LINGO1: variants seen among roughly 807,000 people sequenced by gnomAD.
LINGO1 encodes leucine rich repeat and Ig domain containing 1, also known as leucine-rich repeat and immunoglobulin-like domain-containing nogo receptor-interacting protein 1.
Under a neutral mutation model 37.3 loss-of-function variants are expected in LINGO1, and 11 were observed. That is an observed-to-expected ratio of 0.29 (90% CI 0.19 to 0.49). The LOEUF is 0.49. LINGO1 is among the 20% of genes least tolerant of loss of function. The probability of loss-of-function intolerance (pLI) is 0.99; values close to 1 mark genes in which losing one functional copy is unlikely to be tolerated. For missense variants in LINGO1, 585 were observed against 878.2 expected, an observed-to-expected ratio of 0.67 and a Z score of 4.22; for synonymous variants, 387 against 403.0, an observed-to-expected ratio of 0.96 and a Z score of 0.48.
chr15:77,756,873 C>T (rs887034377), intron 1 of LINGO1, among the ~76,000 whole-genome samples: 1 of 152,216 alleles, frequency 6.6e-6, no homozygotes. Flanking sequence ...TGCCAACGTG[C>T]ACCACCTCGC....
At chr15:77,717,357 CAG>C (rs1287099285) in intron 2 of LINGO1, among the ~76,000 whole-genome samples, 1 of 150,726 alleles carries the variant, frequency 6.6e-6, no homozygotes, top group Admixed American at 6.6e-5. Context: ...CCCAGGCGGG[CAG>C]AGGTGGGGGT....
In LINGO1 at chr15:77,613,738, G is replaced by A. The variant is rs540557093; in HGVS notation, c.*306C>T. 5.5e-6 allele frequency: 2 copies of A among 365,698 alleles called. No homozygotes were observed. The highest frequency in any genetic ancestry group is 1.7e-4 in the South Asian group (2 of 11,762). The allele number at this position is 365,698 out of a possible 1,614,324, so 22.7% of individuals were successfully genotyped here. On this transcript the variant is annotated 3_prime_UTR_variant, in exon 2 of 2. Transcript: ENST00000355300. ...CATAATTATTGAAACCCAAGTTACA[G>A]AGAAAGTTCGTAACTTTTTTATTGA...
At chr15:77,636,359 A>G (rs2074396226), upstream of LINGO1, among the ~76,000 whole-genome samples, 1 of 152,160 alleles carries the variant, frequency 6.6e-6, no homozygotes, top group Non-Finnish European at 1.5e-5. Flanking sequence ...GATGATGATT[A>G]TTTCTGAAGG....
chr15:77,622,317 G>C (rs1472330924), intron 1 of LINGO1, among the ~76,000 whole-genome samples: 1 of 151,910 alleles, frequency 6.6e-6, no homozygotes, highest in African/African-American at 2.4e-5. Flanking sequence ...AGAAAGATGG[G>C]GACACAGGCT....
chr15:77,754,265 T>C (rs112583138), intron 1 of LINGO1, among the ~76,000 whole-genome samples: 1,232 of 79,262 alleles, frequency 0.016, 22 homozygotes, highest in African/African-American at 0.057. Context: ...GGGAAGGGGA[T>C]GGCAAGAAGT....
chr15:77,697,019 A>G (rs1384488613), upstream of LINGO1, among the ~76,000 whole-genome samples: 1 of 152,260 alleles, frequency 6.6e-6, no homozygotes, highest in Non-Finnish European at 1.5e-5. Flanking sequence ...AGGACTGGCT[A>G]AGGCACAAGG....
intron 2 of LINGO1, among the ~76,000 whole-genome samples, chr15:77,681,723 G>A (rs963571060): frequency 7.2e-5 from 11 of 152,144 alleles, no homozygotes; most frequent in Non-Finnish European, 1.6e-4. Flanking sequence ...TATGGGAATG[G>A]AGGAAGAGCT....
upstream of LINGO1, among the ~76,000 whole-genome samples, chr15:77,699,564 A>G (rs958674862): frequency 5.9e-5 from 2 of 34,014 alleles, no homozygotes; most frequent in East Asian, 1.7e-3. Flanking sequence ...CCCTGCACAC[A>G]GTAAAGCACA....
intron 1 of LINGO1, 23 bp from the exon 2 acceptor site, chr15:77,615,923 GAC>G (rs755853447): frequency 6.9e-7 from 1 of 1,446,646 alleles, no homozygotes; most frequent in South Asian, 1.5e-5. Flanking sequence ...GCAAGCACAG[GAC>G]AGAGGTGGCG....
chr15:77,621,574 G>GC (rs1217647035), intron 1 of LINGO1, among the ~76,000 whole-genome samples: 10 of 145,884 alleles, frequency 6.9e-5, no homozygotes, highest in Non-Finnish European at 1.3e-4. Context: ...GGCCAGGCCA[G>GC]GGGAGGGGCT....
At chr15:77,626,380 A>G (rs1303987969) in intron 1 of LINGO1, among the ~76,000 whole-genome samples, 2 of 152,218 alleles carry the variant, frequency 1.3e-5, no homozygotes, top group Non-Finnish European at 2.9e-5. Context: ...CAGGCAGATT[A>G]TAAATAAAAC....
intron 3 of LINGO1, among the ~76,000 whole-genome samples, chr15:77,642,752 G>C (rs951124089): frequency 2.3e-4 from 35 of 152,324 alleles, no homozygotes; most frequent in African/African-American, 8.2e-4. Context: ...CCCCCAGCAG[G>C]GCATTACTTC....
At chr15:77,646,557 TTTCCCCCAC>T in intron 3 of LINGO1, 1 of 392,896 alleles carries the variant, frequency 2.5e-6, no homozygotes, top group Non-Finnish European at 5.1e-6. Context: ...GAACCTGGGG[TTTCCCCCAC>T]TTCCAAGAGG....
intron 1 of LINGO1, among the ~76,000 whole-genome samples, chr15:77,756,571 G>T (rs2076421588): frequency 1.3e-5 from 2 of 151,988 alleles, no homozygotes; most frequent in Non-Finnish European, 2.9e-5. Flanking sequence ...ATCAAGGGAG[G>T]GCCAAGCCGG....
chr15:77,777,287 G>C (rs906351025), intron 1 of LINGO1, among the ~76,000 whole-genome samples: 1 of 151,944 alleles, frequency 6.6e-6, no homozygotes, highest in South Asian at 2.1e-4. Context: ...CCCCATCACT[G>C]TAGGCCTTCT....
At chr15:77,764,326 A>G (rs1183330379) in intron 1 of LINGO1, among the ~76,000 whole-genome samples, 1 of 152,232 alleles carries the variant, frequency 6.6e-6, no homozygotes, top group Non-Finnish European at 1.5e-5. Flanking sequence ...ATAAGCCATA[A>G]AGGTGAGAAA....
intron 3 of LINGO1, among the ~76,000 whole-genome samples, chr15:77,657,097 T>A (rs1357321291): frequency 3.3e-5 from 5 of 152,150 alleles, no homozygotes. Context: ...CCATGACATA[T>A]AAAATGGAAG....
At chr15:77,693,213 A>G (rs899137815) in intron 1 of LINGO1, among the ~76,000 whole-genome samples, 1 of 152,218 alleles carries the variant, frequency 6.6e-6, no homozygotes, top group Non-Finnish European at 1.5e-5. Context: ...GGCACTTACT[A>G]TATACTAGGT....
chr15:77,773,395 C>G (rs905551090), intron 1 of LINGO1, among the ~76,000 whole-genome samples: 3 of 152,228 alleles, frequency 2.0e-5, no homozygotes, highest in Admixed American at 1.3e-4. Context: ...GACCTTGACA[C>G]AGCAGCCCCT....
Sources: gnomAD v4.1 joint callset for allele counts (sites outside exome capture counted in the v4.1 genomes callset) on GRCh38, gnomAD v4.1.1 for gene constraint, MANE v1.5 for transcripts, NCBI Gene and HGNC (gene_info 2026-07-23, HGNC 2026-07-21) for gene names.